Variants in CDC42 observed in about 807,000 individuals in gnomAD.
CDC42 encodes cell division cycle 42, also known as cell division control protein 42 homolog.
In CDC42, 1 loss-of-function variant was observed where a neutral mutation model predicts 20.8. The observed-to-expected ratio is 0.05, with a 90% confidence interval of 0.02 to 0.23. The LOEUF (loss-of-function observed/expected upper bound fraction) is 0.23. CDC42 is among the 10% of genes least tolerant of loss of function. The pLI, the probability that CDC42 is intolerant of heterozygous loss-of-function variation, is 1.00. For synonymous variants in CDC42, 72 were observed against 84.8 expected (o/e 0.85, Z 0.83); for missense variants, 49 against 227.9 (o/e 0.21, Z 5.05).
At position 22,078,284 on chromosome 1, in the gene CDC42, G is replaced by A. The variant is rs200161581; in HGVS notation, c.-50-145G>A. On this transcript the variant is annotated intron_variant, in intron 1 of 5. Transcript: ENST00000656825. ...TATTTGTTATTGTAACTTATAGCAA[G>A]TCATTGTGTCTCTTATTGGGTTCTT... 12 of 452,604 alleles carry A rather than the reference G, an allele frequency of 2.7e-5. No individual in the cohort carries two copies. In the East Asian group the frequency reaches 4.3e-4, roughly 16 times the overall value. The allele number at this position is 452,604 out of a possible 1,614,324, so 28.0% of individuals were successfully genotyped here. A position where few individuals can be genotyped will look rare whatever the true frequency, so the allele number is the denominator to read the frequency against.
intron 1 of CDC42, among the ~76,000 whole-genome samples, chr1:22,069,613 CTTTT>C (rs56218067): frequency 0.71 from 77,556 of 109,262 alleles, 27,978 homozygotes; most frequent in East Asian, 0.83. Context: ...CATGCCACCA[CTTTT>C]TTTTTTTTTT....
At position 22,098,398 on chromosome 1, in the gene CDC42, C is replaced by CA. The variant is rs1457670922; in HGVS notation, c.*6883dup. Among the ~76,000 whole-genome samples the CA allele has an allele frequency of 6.6e-6, 1 of 152,114 alleles. No homozygotes were observed. The highest frequency in any genetic ancestry group is 2.4e-5 in the African/African-American group (1 of 41,426). ...TAAGTATGCAATGGGACCTGAGAATCAATCTAATTTCTAAAAGATTCCCAG... is the reference window on the plus strand; with the variant it reads ...TAAGTATGCAATGGGACCTGAGAATCAAATCTAATTTCTAAAAGATTCCCAG... On this transcript the variant is annotated 3_prime_UTR_variant, in exon 6 of 6. Transcript: ENST00000656825.
At chr1:22,076,941 GA>G (rs1439070503) in intron 1 of CDC42, among the ~76,000 whole-genome samples, 2 of 152,074 alleles carry the variant, frequency 1.3e-5, no homozygotes, top group Non-Finnish European at 2.9e-5. Context: ...TTGAGTCCAG[GA>G]ATTCAAGACC....
chr1:22,072,804 T>A (rs936374878), intron 1 of CDC42, among the ~76,000 whole-genome samples: 12 of 152,194 alleles, frequency 7.9e-5, no homozygotes, highest in African/African-American at 2.7e-4. Flanking sequence ...AGGAGCTCTC[T>A]GCTAGGAAGT....
intron 1 of CDC42, among the ~76,000 whole-genome samples, chr1:22,057,979 G>C (rs559969719): frequency 1.3e-5 from 2 of 152,162 alleles, no homozygotes; most frequent in African/African-American, 2.4e-5. Flanking sequence ...TGCCTGCCTC[G>C]GCCTCCCAAA....
intron 3 of CDC42, among the ~76,000 whole-genome samples, chr1:22,084,335 G>GTTTTTTTTTT (rs61584354): frequency 2.0e-4 from 16 of 80,700 alleles, no homozygotes; most frequent in East Asian, 4.2e-4. Context: ...CTTATTTCCT[G>GTTTTTTTTTT]TTTTTTTTTT....
At chr1:22,067,109 C>A (rs188643298) in intron 1 of CDC42, among the ~76,000 whole-genome samples, 2 of 152,032 alleles carry the variant, frequency 1.3e-5, no homozygotes, top group African/African-American at 4.8e-5. Flanking sequence ...TACAGGGGAA[C>A]GGAGCATGAG....
chr1:22,064,992 A>G (rs1366698016), intron 1 of CDC42, among the ~76,000 whole-genome samples: 2 of 152,162 alleles, frequency 1.3e-5, no homozygotes, highest in Non-Finnish European at 2.9e-5. Context: ...AATTGCCTGC[A>G]TATTTGGATT....
chr1:22,089,523 C>T (rs180894845), intron 5 of CDC42, among the ~76,000 whole-genome samples: 71 of 152,256 alleles, frequency 4.7e-4, no homozygotes, highest in Non-Finnish European at 8.5e-4. Flanking sequence ...TGAACCTTTC[C>T]GTTCTGGGAA....
chr1:22,083,700 T>A (rs1477383112), intron 3 of CDC42, among the ~76,000 whole-genome samples: 3 of 152,196 alleles, frequency 2.0e-5, no homozygotes, highest in Admixed American at 6.5e-5. Context: ...CCCCTCAAAT[T>A]TTCTGTGGTG....
At position 22,079,231 on chromosome 1, in the gene CDC42, C is replaced by T. The variant is rs376096680; in HGVS notation, c.105+648C>T. ...TCGGCTTGCTGCACCCTCCGCCTCC[C>T]GGGTTCAAGCAGTTCTCCTGCCTCA... On this transcript the variant is annotated intron_variant, in intron 2 of 5. Coordinates refer to ENST00000656825, the MANE Select transcript of CDC42 (RefSeq NM_001791.4). Among the ~76,000 whole-genome samples, 83 of 151,612 alleles carry T rather than the reference C, an allele frequency of 5.5e-4. 1 individual carries two copies. In the South Asian group the frequency reaches 0.015, roughly 27 times the overall value.
intron 1 of CDC42, among the ~76,000 whole-genome samples, chr1:22,068,124 C>G (rs1403734782): frequency 6.6e-6 from 1 of 152,102 alleles, no homozygotes; most frequent in Non-Finnish European, 1.5e-5. Context: ...ATTTGAAGAT[C>G]AAGGGCTAAA....
intron 1 of CDC42, among the ~76,000 whole-genome samples, chr1:22,054,838 A>C (rs986505861): frequency 7.0e-6 from 1 of 142,412 alleles, no homozygotes; most frequent in Non-Finnish European, 1.5e-5. Flanking sequence ...ATAATTTTAA[A>C]TAATATCAAT....
At chr1:22,063,121 T>C (rs1645384936) in intron 1 of CDC42, among the ~76,000 whole-genome samples, 1 of 152,166 alleles carries the variant, frequency 6.6e-6, no homozygotes, top group Non-Finnish European at 1.5e-5. Context: ...TTTGTTTCTT[T>C]TTTCCACTTT....
chr1:22,098,766 T>C lies in CDC42; in HGVS notation c.*7249T>C, dbSNP rs545689636. On this transcript the variant is annotated 3_prime_UTR_variant, in exon 6 of 6. Coordinates refer to ENST00000656825, the MANE Select transcript of CDC42 (RefSeq NM_001791.4). ...CTATAGGTCATTACAGCTTTACTTA[T>C]TTATTTTTTGGAGACAGGGTCTCAC... Among the ~76,000 whole-genome samples, 3 of 152,274 alleles carry C rather than the reference T, an allele frequency of 2.0e-5. No individual in the cohort carries two copies. Among genetic ancestry groups the C allele is most frequent in the African/African-American group, 4.8e-5 (2 of 41,560 alleles).
At chr1:22,079,994 C>G (rs1269292749) in intron 2 of CDC42, among the ~76,000 whole-genome samples, 1 of 152,100 alleles carries the variant, frequency 6.6e-6, no homozygotes, top group South Asian at 2.1e-4. Context: ...AAGTAATGTT[C>G]TCATGGTACC....
chr1:22,057,961 A>G (rs1645321973), intron 1 of CDC42, among the ~76,000 whole-genome samples: 1 of 152,090 alleles, frequency 6.6e-6, no homozygotes, highest in South Asian at 2.1e-4. Context: ...TCCTGACCTC[A>G]CGTGATCTGC....
At position 22,078,655 on chromosome 1, in the gene CDC42, A is replaced by G. The variant is rs557826111; in HGVS notation, c.105+72A>G. The G allele has an allele frequency of 9.7e-6, 15 of 1,549,540 alleles. No individual in the cohort carries two copies. In the East Asian group the frequency reaches 1.4e-4, roughly 14 times the overall value. On this transcript the variant is annotated intron_variant, in intron 2 of 5. Transcript: ENST00000656825. The stretch of plus-strand genomic sequence containing the variant: ...ATATCCTTTTGAAAACGCTTTCTCT[A>G]TGTGTACTGAATTTTTTTCTGTTGT...
intron 1 of CDC42, chr1:22,068,443 C>G (rs1406168239): frequency 6.5e-6 from 1 of 153,198 alleles, no homozygotes; most frequent in Non-Finnish European, 1.5e-5. Flanking sequence ...AGACTTTTTT[C>G]CTGTTGTCCC....
Sources: allele counts gnomAD v4.1 joint callset (sites outside exome capture counted in the v4.1 genomes callset), GRCh38; gene constraint gnomAD v4.1.1; transcripts MANE v1.5; gene names NCBI Gene and HGNC (gene_info 2026-07-23, HGNC 2026-07-21).